RAD51B: variants seen among roughly 807,000 people sequenced by gnomAD.
The protein encoded by RAD51B is DNA repair protein RAD51 homolog 2.
Under a neutral mutation model 42.2 loss-of-function variants are expected in RAD51B, and 38 were observed. The observed-to-expected ratio is 0.90, with a 90% CI of 0.70 to 1.18. RAD51B has a LOEUF of 1.18. Ranked by LOEUF, RAD51B falls within the 50% of genes most tolerant of loss-of-function variation. The pLI, the probability that RAD51B is intolerant of heterozygous loss-of-function variation, is 0.00. For missense variants in RAD51B, 373 were observed against 400.7 expected (o/e 0.93, Z 0.59); for synonymous variants, 154 against 145.2 (o/e 1.06, Z -0.43).
Position 67,825,542 on chromosome 14 carries a change from A to ATGG in RAD51B, c.165_167dup (p.Val56dup), listed in dbSNP as rs1488521715. The ATGG allele has an allele frequency of 2.8e-5, 45 of 1,613,180 alleles. No homozygotes were observed. Among genetic ancestry groups the ATGG allele is most frequent in the Non-Finnish European group, 3.6e-5 (43 of 1,179,474 alleles). On this transcript the variant is annotated inframe_insertion, in exon 3 of 11. Transcript: ENST00000471583. Reference sequence around the variant, plus strand: ...TCGAGGTGTCCATGAACTTCTATGTATGGTCAGCAGGGCCTGTGCCCCAAA... The same window carrying ATGG: ...TCGAGGTGTCCATGAACTTCTATGTATGGTGGTCAGCAGGGCCTGTGCCCCAAA...
In RAD51B at chr14:68,541,356, C is replaced by A; in HGVS notation, c.1037-53129C>A. The A allele has an allele frequency of 3.0e-6, 3 of 985,456 alleles. No homozygotes were observed. The South Asian group carries it at 1.4e-4, about 46-fold the overall frequency. 61.0% of individuals were successfully genotyped at this position (985,456 alleles called of 1,614,324 possible). ...AATAGCCTACCTGGCCCCTTTCCAG[C>A]AGGAGAAATGCCATAGTCCTTCCCA... On this transcript the variant is annotated intron_variant, in intron 10 of 10. Transcript: ENST00000487270.
chr14:68,109,755 G>A (rs1335892458), intron 7 of RAD51B, among the ~76,000 whole-genome samples: 1 of 151,788 alleles, frequency 6.6e-6, no homozygotes, highest in Admixed American at 6.6e-5. Flanking sequence ...GGAAAGAGTG[G>A]GCAGCAGTAC....
At chr14:68,516,820 A>G (rs1464303874) in intron 10 of RAD51B, among the ~76,000 whole-genome samples, 2 of 152,238 alleles carry the variant, frequency 1.3e-5, no homozygotes, top group East Asian at 3.8e-4. Flanking sequence ...CTTGATGAAA[A>G]CTAAAAGTTC....
intron 3 of RAD51B, among the ~76,000 whole-genome samples, chr14:67,826,041 A>C (rs1020392962): frequency 1.3e-5 from 2 of 152,056 alleles, no homozygotes; most frequent in African/African-American, 2.4e-5. Context: ...ATGTGTGAAA[A>C]ATTTATGTAG....
intron 8 of RAD51B, among the ~76,000 whole-genome samples, chr14:68,377,639 A>G (rs2083397697): frequency 6.6e-6 from 1 of 152,200 alleles, no homozygotes; most frequent in South Asian, 2.1e-4. Flanking sequence ...GGTGTAGGAC[A>G]ATACCAGTAT....
intron 8 of RAD51B, among the ~76,000 whole-genome samples, chr14:68,390,648 T>G (rs1324590021): frequency 2.0e-5 from 3 of 152,110 alleles, no homozygotes; most frequent in Non-Finnish European, 4.4e-5. Context: ...ATGGAGCAAA[T>G]CTATGCAGAG....
At chr14:67,864,758 T>G (rs561143707) in intron 4 of RAD51B, 222 of 635,584 alleles carry the variant, frequency 3.5e-4, no homozygotes, top group Non-Finnish European at 5.9e-4. Context: ...AGTGGATGAT[T>G]TGAGTGACTA....
intron 4 of RAD51B, among the ~76,000 whole-genome samples, chr14:67,849,536 G>A (rs1220369780): frequency 6.6e-6 from 1 of 152,196 alleles, no homozygotes; most frequent in African/African-American, 2.4e-5. Context: ...TCCCACCTCA[G>A]CCTCCCAAAG....
intron 8 of RAD51B, among the ~76,000 whole-genome samples, chr14:68,318,813 G>C (rs2082108979): frequency 6.6e-6 from 1 of 152,212 alleles, no homozygotes; most frequent in South Asian, 2.1e-4. Flanking sequence ...TCTGGGGGAA[G>C]ATAATTTCTG....
chr14:68,044,216 C>T (rs2076262621), intron 7 of RAD51B, among the ~76,000 whole-genome samples: 1 of 152,174 alleles, frequency 6.6e-6, no homozygotes, highest in Non-Finnish European at 1.5e-5. Flanking sequence ...AACAAATTTA[C>T]ATGGATATCT....
chr14:68,199,288 G>C (rs757640745), intron 7 of RAD51B, among the ~76,000 whole-genome samples: 12 of 151,998 alleles, frequency 7.9e-5, no homozygotes, highest in Non-Finnish European at 1.0e-4. Flanking sequence ...TGCTAATCTG[G>C]CCTTAAATAT....
downstream of RAD51B, among the ~76,000 whole-genome samples, chr14:68,596,273 T>TC (rs1890996164): frequency 6.6e-6 from 1 of 152,136 alleles, no homozygotes; most frequent in African/African-American, 2.4e-5. Flanking sequence ...CTTTTTTTTT[T>TC]CTAATCAGTA....
chr14:67,942,326 T>G (rs961525170), intron 7 of RAD51B, among the ~76,000 whole-genome samples: 1 of 152,168 alleles, frequency 6.6e-6, no homozygotes, highest in African/African-American at 2.4e-5. Context: ...GCAACTTTCA[T>G]TAAAAAAATC....
chr14:67,950,396 G>A (rs919359151), intron 7 of RAD51B, among the ~76,000 whole-genome samples: 5 of 152,174 alleles, frequency 3.3e-5, no homozygotes, highest in Non-Finnish European at 7.4e-5. Flanking sequence ...AGCAACCTTT[G>A]CTAGCTTCCA....
At chr14:68,316,986 G>A (rs535236767) in intron 8 of RAD51B, among the ~76,000 whole-genome samples, 3 of 152,200 alleles carry the variant, frequency 2.0e-5, no homozygotes, top group East Asian at 1.9e-4. Flanking sequence ...GATCATAATT[G>A]GAATGTAGAT....
At chr14:68,291,066 C>T (rs1173836059) in intron 7 of RAD51B, among the ~76,000 whole-genome samples, 1 of 152,102 alleles carries the variant, frequency 6.6e-6, no homozygotes, top group Non-Finnish European at 1.5e-5. Flanking sequence ...CCTCAGCCTC[C>T]CAAAGTGCTG....
At chr14:68,158,926 C>T (rs1595487577) in intron 7 of RAD51B, among the ~76,000 whole-genome samples, 2 of 152,216 alleles carry the variant, frequency 1.3e-5, no homozygotes, top group East Asian at 3.9e-4. Flanking sequence ...AAAGTTGATT[C>T]TGTTTTCTAT....
At chr14:68,529,369 G>A (rs1455577080) in intron 10 of RAD51B, among the ~76,000 whole-genome samples, 1 of 152,172 alleles carries the variant, frequency 6.6e-6, no homozygotes, top group Non-Finnish European at 1.5e-5. Context: ...GCTAATTTTT[G>A]TATTTTTTGG....
intron 7 of RAD51B, among the ~76,000 whole-genome samples, chr14:68,032,817 C>T (rs1018547286): frequency 1.3e-5 from 2 of 152,104 alleles, no homozygotes; most frequent in African/African-American, 4.8e-5. Flanking sequence ...TCTTATTTAT[C>T]TCTTCTTTCA....
Sources: gnomAD v4.1 joint callset for allele counts (sites outside exome capture counted in the v4.1 genomes callset) on GRCh38, gnomAD v4.1.1 for gene constraint, MANE v1.5 for transcripts, NCBI Gene and HGNC (gene_info 2026-07-23, HGNC 2026-07-21) for gene names.